The following ABCG2 variants were observed in gnomAD, a reference collection of about 807,000 sequenced individuals.
The protein encoded by ABCG2 is broad substrate specificity ATP-binding cassette transporter ABCG2.
A neutral mutation model predicts 73.5 loss-of-function variants in ABCG2; 80 were observed. The observed-to-expected ratio is 1.09, with a 90% CI of 0.91 to 1.31. ABCG2 has a LOEUF of 1.31. Among genes scored for constraint, ABCG2 ranks in the 50% most tolerant of loss-of-function variants. The pLI, the probability that ABCG2 is intolerant of heterozygous loss-of-function variation, is 0.00. For missense variants in ABCG2, 796 were observed against 786.2 expected, an observed-to-expected ratio of 1.01 and a Z score of -0.15; for synonymous variants, 269 against 282.4, an observed-to-expected ratio of 0.95 and a Z score of 0.48.
chr4:88,101,618 G>C (rs1722427161), intron 10 of ABCG2, among the ~76,000 whole-genome samples: 1 of 152,196 alleles, frequency 6.6e-6, no homozygotes, highest in Admixed American at 6.5e-5. Context: ...GGTATTTGAA[G>C]ATGGGCCCTT....
At chr4:88,211,097 T>A (rs1437015783) in intron 1 of ABCG2, among the ~76,000 whole-genome samples, 1 of 150,106 alleles carries the variant, frequency 6.7e-6, no homozygotes, top group Non-Finnish European at 1.5e-5. Context: ...CTAAAAAAAT[T>A]AAAAAATAAA....
intron 1 of ABCG2, among the ~76,000 whole-genome samples, chr4:88,142,031 C>G (rs1021978712): frequency 6.6e-6 from 1 of 151,834 alleles, no homozygotes; most frequent in Non-Finnish European, 1.5e-5. Context: ...AAGACTAGTA[C>G]ACAGAAAACA....
At chr4:88,162,621 C>G (rs964475927), upstream of ABCG2, among the ~76,000 whole-genome samples, 2 of 152,070 alleles carry the variant, frequency 1.3e-5, no homozygotes, top group African/African-American at 2.4e-5. Flanking sequence ...AGATTAAAGC[C>G]AGCATTTTAT....
intron 1 of ABCG2, among the ~76,000 whole-genome samples, chr4:88,187,567 C>A (rs1333058109): frequency 6.6e-6 from 1 of 151,770 alleles, no homozygotes. Flanking sequence ...AAGCCAAGAT[C>A]ATGCCATTGC....
chr4:88,181,262 TG>T (rs1248238340), intron 1 of ABCG2, among the ~76,000 whole-genome samples: 1 of 151,386 alleles, frequency 6.6e-6, no homozygotes, highest in Non-Finnish European at 1.5e-5. Context: ...TAGACGAGCA[TG>T]GTGGTGCGTG....
At chr4:88,170,046 G>A (rs1727695333) in intron 1 of ABCG2, among the ~76,000 whole-genome samples, 1 of 151,540 alleles carries the variant, frequency 6.6e-6, no homozygotes, top group Non-Finnish European at 1.5e-5. Flanking sequence ...GGGAGGCGGA[G>A]GTTGCGGTGA....
intron 1 of ABCG2, among the ~76,000 whole-genome samples, chr4:88,228,198 T>C (rs1177589138): frequency 6.6e-6 from 1 of 152,212 alleles, no homozygotes; most frequent in African/African-American, 2.4e-5. Flanking sequence ...GATGGGATTT[T>C]GAGTCTTGTA....
chr4:88,136,803 G>A (rs979416369), intron 2 of ABCG2, among the ~76,000 whole-genome samples: 1 of 152,042 alleles, frequency 6.6e-6, no homozygotes, highest in African/African-American at 2.4e-5. Context: ...ATCACCTGAG[G>A]TCAGGAGTTT....
intron 10 of ABCG2, among the ~76,000 whole-genome samples, chr4:88,105,008 T>C (rs1358985753): frequency 6.6e-6 from 1 of 152,162 alleles, no homozygotes; most frequent in African/African-American, 2.4e-5. Flanking sequence ...CTTTAGATCC[T>C]GTGATATATT....
At chr4:88,132,501 A>G in intron 3 of ABCG2, 75 bp downstream of exon 3, 2 of 1,485,096 alleles carry the variant, frequency 1.3e-6, no homozygotes, top group Non-Finnish European at 1.9e-6. Flanking sequence ...ACCTGCTCGC[A>G]CACAAAAAAA....
In ABCG2 at chr4:88,099,466, G is replaced by GT. The variant is rs762835975; in HGVS notation, c.1368-19dup. On this transcript the variant is annotated intron_variant, in intron 11 of 15. Transcript: ENST00000237612. ...ATTCATGTCTATAGAACAAAAATAC[G>GT]TATCATACATCCAAGATTAGTTTAA... 1.5e-5 allele frequency: 24 copies of GT among 1,585,476 alleles called. 1 individual carries two copies. The highest frequency in any genetic ancestry group is 1.4e-4 in the Admixed American group (8 of 55,468).
chr4:88,179,766 G>A lies in ABCG2; in HGVS notation c.-19-39752C>T, dbSNP rs201992983. Reference sequence around the variant, plus strand: ...AAAGGAATCAAACAGAAATTATAGAGTTGAAAAATGCAATTGACATACTGA... The same window carrying A: ...AAAGGAATCAAACAGAAATTATAGAATTGAAAAATGCAATTGACATACTGA... On this transcript the variant is annotated intron_variant, in intron 1 of 15. Transcript: ENST00000515655. Among the ~76,000 whole-genome samples, 7 of 152,284 alleles carry A rather than the reference G, an allele frequency of 4.6e-5. No individual in the cohort carries two copies. The East Asian group carries it at 1.4e-3, about 29-fold the overall frequency.
At position 88,118,135 on chromosome 4, in the gene ABCG2, T is replaced by C; in HGVS notation, c.815A>G (p.Glu272Gly). 6.2e-7 allele frequency: 1 copy of C among 1,613,820 alleles called. No homozygotes were observed. Among genetic ancestry groups the C allele is most frequent in the East Asian group, 2.2e-5 (1 of 44,842 alleles). The change falls in exon 7 of 16, where the codon GAG becomes GGG. Residue 272 changes from glutamate to glycine, a missense_variant. Coordinates refer to ENST00000237612, the MANE Select transcript of ABCG2 (RefSeq NM_004827.3). ...GRLMFHGPAQ[E>G]ALGYFESAGY... The stretch of plus-strand genomic sequence containing the variant: ...AGCTGATTCAAAGTATCCCAAGGCC[T>C]CCTGAGCAGGCCCGTGGAACATAAG...
intron 1 of ABCG2, among the ~76,000 whole-genome samples, chr4:88,178,094 AGCTAAGGGAGT>A (rs1377974270): frequency 6.6e-6 from 1 of 152,210 alleles, no homozygotes; most frequent in African/African-American, 2.4e-5. Context: ...CAGCTGGGGC[AGCTAAGGGAGT>A]GCTTGCACCA....
At chr4:88,172,702 G>T (rs1727804145) in intron 1 of ABCG2, among the ~76,000 whole-genome samples, 1 of 152,106 alleles carries the variant, frequency 6.6e-6, no homozygotes. Flanking sequence ...CTGGTCAGTG[G>T]CTACAAATTC....
chr4:88,174,792 A>T (rs1727891932), intron 1 of ABCG2, among the ~76,000 whole-genome samples: 2 of 152,168 alleles, frequency 1.3e-5, no homozygotes, highest in Non-Finnish European at 2.9e-5. Context: ...TTTTGTCATG[A>T]AGTCTTTGCT....
intron 1 of ABCG2, among the ~76,000 whole-genome samples, chr4:88,221,439 G>A (rs1412572659): frequency 1.3e-5 from 2 of 152,170 alleles, no homozygotes; most frequent in East Asian, 1.9e-4. Context: ...GCAGAGACTG[G>A]AACAGTTTGG....
At chr4:88,201,268 G>A (rs1166320161) in intron 1 of ABCG2, among the ~76,000 whole-genome samples, 2 of 141,992 alleles carry the variant, frequency 1.4e-5, no homozygotes, top group Non-Finnish European at 3.0e-5. Flanking sequence ...AAAAAAAGTA[G>A]ACATTACCTG....
At chr4:88,107,290 A>C in intron 9 of ABCG2, 24 bp from the exon 10 acceptor site, 10 of 1,533,472 alleles carry the variant, frequency 6.5e-6, no homozygotes, top group Non-Finnish European at 8.9e-6. Context: ...AAAATGCAAA[A>C]AAAGGGGAAG....
Sources: gnomAD v4.1 joint callset for allele counts (sites outside exome capture counted in the v4.1 genomes callset) on GRCh38, gnomAD v4.1.1 for gene constraint, MANE v1.5 for transcripts, NCBI Gene and HGNC (gene_info 2026-07-23, HGNC 2026-07-21) for gene names.